Variants in ARNT observed in about 807,000 individuals in gnomAD.
The protein encoded by ARNT is aryl hydrocarbon receptor nuclear translocator.
ARNT carries 30 observed loss-of-function variants against 105.0 expected under a neutral mutation model. That is an observed-to-expected ratio of 0.29 (90% CI 0.21 to 0.39). The LOEUF (loss-of-function observed/expected upper bound fraction) is 0.39. ARNT is among the 10% of genes least tolerant of loss of function. ARNT has a pLI of 1.00. For synonymous variants in ARNT, 304 were observed against 344.0 expected, an observed-to-expected ratio of 0.88 and a Z score of 1.29; for missense variants, 748 against 978.7, an observed-to-expected ratio of 0.76 and a Z score of 3.15.
At chr1:150,852,055 A>C (rs1663713365) in intron 3 of ARNT, among the ~76,000 whole-genome samples, 1 of 151,836 alleles carries the variant, frequency 6.6e-6, no homozygotes, top group African/African-American at 2.4e-5. Context: ...AAAAAAAAAA[A>C]ACAAAAACAA....
intron 1 of ARNT, chr1:150,861,339 A>G (rs755657514): frequency 7.9e-5 from 31 of 391,332 alleles, no homozygotes; most frequent in South Asian, 5.8e-4. Context: ...CAAAAAAAAA[A>G]TTAAATTAAA....
At chr1:150,841,864 T>G (rs1312775260) in intron 5 of ARNT, among the ~76,000 whole-genome samples, 1 of 152,212 alleles carries the variant, frequency 6.6e-6, no homozygotes, top group Admixed American at 6.5e-5. Context: ...ACCTGGTCTT[T>G]TAAATAGCCA....
chr1:150,870,056 T>C (rs1437542202), intron 1 of ARNT, among the ~76,000 whole-genome samples: 1 of 152,092 alleles, frequency 6.6e-6, no homozygotes, highest in Non-Finnish European at 1.5e-5. Context: ...ATGGAAAAAA[T>C]CATAACTTGG....
chr1:150,817,056 A>G (rs766058796), intron 17 of ARNT, 26 bp downstream of exon 17: 1 of 1,613,708 alleles, frequency 6.2e-7, no homozygotes, highest in African/African-American at 1.3e-5. Flanking sequence ...ATGAGAATTT[A>G]AAAGGATAAT....
At chr1:150,836,702 A>ATGTCACTATCCACCTCTTCCTCTC (rs898373304) in intron 6 of ARNT, among the ~76,000 whole-genome samples, 7 of 152,256 alleles carry the variant, frequency 4.6e-5, no homozygotes, top group Middle Eastern at 6.8e-3. Flanking sequence ...CACTTTCTCT[A>ATGTCACTATCCACCTCTTCCTCTC]TGTCACTATC....
intron 1 of ARNT, among the ~76,000 whole-genome samples, chr1:150,862,495 T>G (rs1038560648): frequency 1.6e-4 from 25 of 152,110 alleles, no homozygotes; most frequent in Non-Finnish European, 7.3e-5. Flanking sequence ...ATTTTTATGT[T>G]ACTGCTAATT....
intron 3 of ARNT, among the ~76,000 whole-genome samples, chr1:150,850,773 C>T (rs137977500): frequency 2.2e-4 from 33 of 152,124 alleles, no homozygotes; most frequent in Admixed American, 4.6e-4. Flanking sequence ...CCCCTCTGCC[C>T]GGCTGCCCAG....
chr1:150,854,219 G>A (rs1406953521), intron 2 of ARNT, among the ~76,000 whole-genome samples: 1 of 152,068 alleles, frequency 6.6e-6, no homozygotes, highest in African/African-American at 2.4e-5. Flanking sequence ...CCAATTAGCT[G>A]GAACTATAGG....
chr1:150,856,221 C>T (rs970102461), intron 2 of ARNT, among the ~76,000 whole-genome samples: 23 of 151,934 alleles, frequency 1.5e-4, no homozygotes, highest in Non-Finnish European at 2.8e-4. Flanking sequence ...GGGTGGATCA[C>T]GAGGTCAGGA....
At chr1:150,840,427 A>C (rs2101964724) in intron 5 of ARNT, among the ~76,000 whole-genome samples, 1 of 152,362 alleles carries the variant, frequency 6.6e-6, no homozygotes, top group East Asian at 1.9e-4. Context: ...ATGTGGCTCC[A>C]TAGCTGATAC....
intron 6 of ARNT, among the ~76,000 whole-genome samples, chr1:150,838,745 CCTTA>C (rs1660752831): frequency 6.6e-6 from 1 of 152,180 alleles, no homozygotes; most frequent in South Asian, 2.1e-4. Context: ...AACATGGCTT[CCTTA>C]CCCTCAGAAG....
chr1:150,872,676 C>T (rs1667636894), intron 1 of ARNT, among the ~76,000 whole-genome samples: 2 of 152,298 alleles, frequency 1.3e-5, no homozygotes, highest in South Asian at 4.1e-4. Flanking sequence ...AAGTGTTCCA[C>T]CTTGGCTGGG....
chr1:150,823,793 G>A (rs1486763766), intron 13 of ARNT, among the ~76,000 whole-genome samples: 5 of 149,762 alleles, frequency 3.3e-5, no homozygotes, highest in Non-Finnish European at 5.9e-5. Context: ...CTTGTGATCC[G>A]CCCGCCTCGG....
At chr1:150,852,576 C>G (rs1357251157) in intron 3 of ARNT, among the ~76,000 whole-genome samples, 186 bp downstream of exon 3, 1 of 152,158 alleles carries the variant, frequency 6.6e-6, no homozygotes, top group African/African-American at 2.4e-5. Flanking sequence ...CCTCTCCTCA[C>G]TGAGGTCCTT....
intron 3 of ARNT, among the ~76,000 whole-genome samples, chr1:150,850,285 C>T (rs1663086668): frequency 1.3e-5 from 2 of 151,922 alleles, no homozygotes; most frequent in African/African-American, 4.8e-5. Context: ...TCCCTCTCCC[C>T]ACGGTCTCCC....
At chr1:150,830,543 A>G (rs1295301939) in intron 10 of ARNT, among the ~76,000 whole-genome samples, 2 of 152,230 alleles carry the variant, frequency 1.3e-5, no homozygotes, top group Non-Finnish European at 2.9e-5. Context: ...AAACTGGAAA[A>G]TACAAGTCCT....
chr1:150,842,512 A>G, intron 4 of ARNT, 44 bp from the exon 5 acceptor site: 1 of 1,557,218 alleles, frequency 6.4e-7, no homozygotes, highest in Non-Finnish European at 8.8e-7. Context: ...AAAATAAAAA[A>G]GAAGGAAGGA....
intron 18 of ARNT, 142 bp downstream of exon 18, chr1:150,816,646 A>G (rs1450318074): frequency 9.8e-7 from 1 of 1,022,238 alleles, no homozygotes; most frequent in East Asian, 2.7e-5. Flanking sequence ...GAAGAAAAGC[A>G]GCTTGTTTGC....
At chr1:150,849,232 A>G (rs954912972) in intron 3 of ARNT, among the ~76,000 whole-genome samples, 2 of 152,028 alleles carry the variant, frequency 1.3e-5, no homozygotes, top group African/African-American at 4.8e-5. Flanking sequence ...AAAATAAATA[A>G]ATGATATTAA....
Sources: gnomAD v4.1 joint callset for allele counts (sites outside exome capture counted in the v4.1 genomes callset) on GRCh38, gnomAD v4.1.1 for gene constraint, MANE v1.5 for transcripts, NCBI Gene and HGNC (gene_info 2026-07-23, HGNC 2026-07-21) for gene names.